The following TRAF3 variants were observed in gnomAD, a reference collection of about 807,000 sequenced individuals.
TRAF3 encodes the protein TNF receptor associated factor 3, also known as TNF receptor-associated factor 3.
In TRAF3, 13 loss-of-function variants were observed where a neutral mutation model predicts 62.3. The observed-to-expected ratio is 0.21, with a 90% CI of 0.14 to 0.33. The LOEUF is 0.33. Ranked by LOEUF, TRAF3 falls within the 10% of genes least tolerant of loss-of-function variation. TRAF3 has a pLI of 1.00. For missense variants in TRAF3, 440 were observed against 741.8 expected (o/e 0.59, Z 4.73); for synonymous variants, 269 against 283.4 (o/e 0.95, Z 0.51).
chr14:102,793,194 C>T (rs948966468), intron 1 of TRAF3, among the ~76,000 whole-genome samples: 1 of 152,064 alleles, frequency 6.6e-6, no homozygotes, highest in African/African-American at 2.4e-5. Flanking sequence ...CTCTGTTGCC[C>T]AGGTTGGAGT....
chr14:102,900,530 G>A (rs1890241402), intron 10 of TRAF3, among the ~76,000 whole-genome samples: 1 of 152,218 alleles, frequency 6.6e-6, no homozygotes, highest in African/African-American at 2.4e-5. Flanking sequence ...ATAGGTGCGA[G>A]CATGACCCAG....
chr14:102,900,525 T>C (rs2139990504), intron 10 of TRAF3, among the ~76,000 whole-genome samples: 1 of 152,248 alleles, frequency 6.6e-6, no homozygotes, highest in East Asian at 1.9e-4. Context: ...ATAGCATAGG[T>C]GCGAGCATGA....
chr14:102,876,380 A>G lies in TRAF3; in HGVS notation c.425A>G (p.His142Arg). The stretch of plus-strand genomic sequence containing the variant: ...CAGGTGCATTTAAAAAATGATTGCC[A>G]TTTTGAAGAACTTCCATGTGTGCGT... ...HLLVHLKNDC[H>R]FEELPCVRPD... Residue 142 changes from histidine to arginine, a missense_variant, in exon 6 of 12, where the codon CAT becomes CGT. By Grantham distance (29) the His-to-Arg change is conservative (BLOSUM62 0). This residue lies in a region of TRAF3 where 255 missense variants were observed against 424.1 expected (regional missense o/e 0.60). Coordinates refer to ENST00000392745, the MANE Select transcript of TRAF3 (RefSeq NM_145725.3). The G allele has an allele frequency of 1.2e-6, 2 of 1,614,214 alleles. No homozygotes were observed. The highest frequency in any genetic ancestry group is 2.2e-5 in the East Asian group (1 of 44,890).
intron 7 of TRAF3, among the ~76,000 whole-genome samples, chr14:102,887,416 C>T (rs901899314): frequency 3.9e-5 from 6 of 152,326 alleles, no homozygotes; most frequent in African/African-American, 1.4e-4. Flanking sequence ...CCACTCTCCC[C>T]CAGGGTGTGC....
intron 7 of TRAF3, among the ~76,000 whole-genome samples, chr14:102,888,315 C>T (rs564541400): frequency 6.6e-6 from 1 of 152,344 alleles, no homozygotes; most frequent in East Asian, 1.9e-4. Flanking sequence ...GCAGCAAGGG[C>T]GTCAGGCTGC....
At chr14:102,891,537 C>A (rs1391766729) in intron 9 of TRAF3, 120 bp downstream of exon 9, 10 of 1,082,108 alleles carry the variant, frequency 9.2e-6, no homozygotes, top group African/African-American at 4.8e-5. Flanking sequence ...AAGAGAATGT[C>A]AAAAAAAACT....
intron 7 of TRAF3, among the ~76,000 whole-genome samples, chr14:102,886,679 C>T (rs144783170): frequency 0.019 from 2,827 of 152,000 alleles, 36 homozygotes; most frequent in African/African-American, 0.022. Flanking sequence ...TCATTTGAAC[C>T]GGGGAGGCGG....
chr14:102,900,439 T>C (rs1236585273), intron 10 of TRAF3, among the ~76,000 whole-genome samples: 1 of 152,200 alleles, frequency 6.6e-6, no homozygotes, highest in Non-Finnish European at 1.5e-5. Flanking sequence ...CGGCAGAGGT[T>C]GCAGTGAGCA....
intron 1 of TRAF3, among the ~76,000 whole-genome samples, chr14:102,794,726 TG>T (rs1897976378): frequency 1.3e-5 from 2 of 152,216 alleles, no homozygotes; most frequent in African/African-American, 4.8e-5. Context: ...TGGATTAAAA[TG>T]GAAATGCCAA....
rs759871810 is a variant in TRAF3, at chr14:102,870,420, C to T, written c.219C>T (p.Cys73=). ...AGACCGAGTGTGGGCACCGCTTCTGCGAGAGCTGCATGGCGGCCCTGCTGA... is the reference window on the plus strand; with the variant it reads ...AGACCGAGTGTGGGCACCGCTTCTGTGAGAGCTGCATGGCGGCCCTGCTGA... ...PKQTECGHRF[C]ESCMAALLSS... is the part of the protein sequence containing the mutation. The change falls in exon 3 of 12, where the codon TGC becomes TGT. Residue 73 remains cysteine (C), a synonymous_variant. Coordinates refer to ENST00000392745, the MANE Select transcript of TRAF3 (RefSeq NM_145725.3). The T allele has an allele frequency of 1.1e-5, 17 of 1,613,840 alleles. No individual in the cohort carries two copies. Among genetic ancestry groups the T allele is most frequent in the East Asian group, 2.2e-5 (1 of 44,894 alleles).
chr14:102,861,660 C>T (rs1887685700), intron 2 of TRAF3, among the ~76,000 whole-genome samples: 1 of 152,062 alleles, frequency 6.6e-6, no homozygotes, highest in Non-Finnish European at 1.5e-5. Flanking sequence ...AATCCAGACC[C>T]CAAGAGAGGG....
In TRAF3 at chr14:102,891,427, A is replaced by G; in HGVS notation, c.819+10A>G. 1.2e-6 allele frequency: 2 copies of G among 1,606,910 alleles called. No homozygotes were observed. Among genetic ancestry groups the G allele is most frequent in the Non-Finnish European group, 1.7e-6 (2 of 1,176,994 alleles). ...CTCGCTCGAAAAGAAGGTGGGCTGC[A>G]CACTTTCCTGCTGCTATGGGATTTG... On this transcript the variant is annotated intron_variant, in intron 9 of 11. Transcript: ENST00000392745.
chr14:102,891,503 G>A, intron 9 of TRAF3, 86 bp downstream of exon 9: 2 of 1,406,630 alleles, frequency 1.4e-6, no homozygotes, highest in Non-Finnish European at 9.8e-7. Context: ...AGTTATTAAT[G>A]GGTTTTGGAT....
At chr14:102,867,364 C>T (rs936973674) in intron 2 of TRAF3, among the ~76,000 whole-genome samples, 1 of 152,136 alleles carries the variant, frequency 6.6e-6, no homozygotes, top group Non-Finnish European at 1.5e-5. Flanking sequence ...AGGCTGCTGG[C>T]TGGATTTGAT....
rs904547302 is a variant in TRAF3, at chr14:102,788,746, T to C, written c.-157+11071T>C. On this transcript the variant is annotated intron_variant, in intron 1 of 11. Transcript: ENST00000392745. ...CCAGGAGGCAAAAGTTGCAGTGAGCTGAGATCACGCCACTGCACTCCAGTC... is the reference window on the plus strand; with the variant it reads ...CCAGGAGGCAAAAGTTGCAGTGAGCCGAGATCACGCCACTGCACTCCAGTC... 6.6e-5 allele frequency among the ~76,000 whole-genome samples: 10 copies of C among 152,206 alleles called. No individual in the cohort carries two copies. The East Asian group carries it at 1.7e-3, about 26-fold the overall frequency.
chr14:102,893,387 CAAAAA>C (rs75938667), intron 9 of TRAF3, among the ~76,000 whole-genome samples: 1 of 76,900 alleles, frequency 1.3e-5, no homozygotes, highest in Non-Finnish European at 2.9e-5. Context: ...GAGACTGTCT[CAAAAA>C]AAAAAAAAAA....
At chr14:102,794,618 G>A (rs149428393) in intron 1 of TRAF3, among the ~76,000 whole-genome samples, 62 of 152,292 alleles carry the variant, frequency 4.1e-4, no homozygotes, top group African/African-American at 1.2e-3. Context: ...AAGGAGGGTC[G>A]AAGAATTTGT....
At chr14:102,818,139 C>T (rs1395407900) in intron 1 of TRAF3, among the ~76,000 whole-genome samples, 3 of 152,170 alleles carry the variant, frequency 2.0e-5, no homozygotes, top group Non-Finnish European at 4.4e-5. Context: ...GTGACCTTTT[C>T]CCCGTGTTCT....
intron 5 of TRAF3, 70 bp from the exon 6 acceptor site, chr14:102,876,288 G>T (rs966781938): frequency 2.6e-6 from 4 of 1,548,358 alleles, no homozygotes; most frequent in African/African-American, 1.4e-5. Context: ...ATTGCATAGA[G>T]ATTAGAATCT....
Sources: allele counts gnomAD v4.1 joint callset (sites outside exome capture counted in the v4.1 genomes callset), GRCh38; gene constraint gnomAD v4.1.1; regional missense constraint gnomAD v4.1.1; transcripts MANE v1.5; gene names NCBI Gene and HGNC (gene_info 2026-07-23, HGNC 2026-07-21).